ENTR1: variants seen among roughly 807,000 people sequenced by gnomAD.
ENTR1 encodes endosome associated trafficking regulator 1.
A neutral mutation model predicts 47.9 loss-of-function variants in ENTR1; 47 were observed. That is an observed-to-expected ratio of 0.98 (90% CI 0.78 to 1.25). ENTR1 has a LOEUF of 1.25. ENTR1 is among the 50% of genes most tolerant of loss of function. The pLI is 0.00. For missense variants in ENTR1, 668 were observed against 570.5 expected, an observed-to-expected ratio of 1.17 and a Z score of -1.74; for synonymous variants, 290 against 245.8, an observed-to-expected ratio of 1.18 and a Z score of -1.68.
chr9:136,410,288 G>C (rs1424243359), intron 1 of ENTR1, 40 bp downstream of exon 1: 3 of 1,551,168 alleles, frequency 1.9e-6, no homozygotes, highest in African/African-American at 1.4e-5. Flanking sequence ...GGCGGCCGCC[G>C]CCCACCTGGA....
chr9:136,410,609 G>T lies in ENTR1; in HGVS notation c.-212C>A, dbSNP rs1316842474. 14 of 1,302,332 alleles carry T rather than the reference G, an allele frequency of 1.1e-5. No individual in the cohort carries two copies. The highest frequency in any genetic ancestry group is 2.0e-4 in the Middle Eastern group (1 of 4,988). 80.7% of individuals were successfully genotyped at this position (1,302,332 alleles called of 1,614,324 possible). On this transcript the variant is annotated 5_prime_UTR_variant, in exon 1 of 10. Transcript: ENST00000357365. ...CTGAACGCCTTGGGCCGTCGGCGAG[G>T]GGGAGGGGAAGCCGTGGGCGGAAGC...
chr9:136,407,650 A>G, intron 4 of ENTR1, 89 bp from the exon 5 acceptor site: 1 of 1,474,290 alleles, frequency 6.8e-7, no homozygotes, highest in Non-Finnish European at 9.0e-7. Context: ...CGCAACAAGA[A>G]GAAAGGCCCA....
At chr9:136,404,293 A>T (rs1738366921) in intron 8 of ENTR1, 99 bp from the exon 9 acceptor site, 2 of 1,479,236 alleles carry the variant, frequency 1.4e-6, no homozygotes, top group East Asian at 4.6e-5. Context: ...GGGGCCTGGC[A>T]CTCAAGATGC....
intron 5 of ENTR1, among the ~76,000 whole-genome samples, chr9:136,406,504 G>A (rs1834770349): frequency 6.6e-6 from 1 of 151,674 alleles, no homozygotes. Flanking sequence ...TTGAAACAGA[G>A]TTTCGCCCGT....
Position 136,405,127 on chromosome 9 carries a change from C to A in ENTR1, c.969G>T (p.Val323=). 2 of 1,613,908 alleles carry A rather than the reference C, an allele frequency of 1.2e-6. No homozygotes were observed. Among genetic ancestry groups the A allele is most frequent in the Non-Finnish European group, 8.5e-7 (1 of 1,179,882 alleles). The change falls in exon 7 of 10, where the codon GTG becomes GTT. Residue 323 remains valine, a synonymous_variant. Transcript: ENST00000357365. Reference sequence around the variant, plus strand: ...CCAGGTTCTGCTCCACCTGCTGAACCACCGACTCCAGGTCGTGGTAGTCGC... The same window carrying A: ...CCAGGTTCTGCTCCACCTGCTGAACAACCGACTCCAGGTCGTGGTAGTCGC... ...EESDYHDLES[V]VQQVEQNLEL...
rs753556442 is a variant in ENTR1, at chr9:136,408,983, T to C, written c.289+16A>G. ...TTGGATGGAGACAAGAAGAAAAGGT[T>C]GCTGAACTACTCTACCTCCAAAATG... On this transcript the variant is annotated intron_variant, in intron 3 of 9. Transcript: ENST00000357365. The C allele has an allele frequency of 6.2e-7, 1 of 1,611,502 alleles. No homozygotes were observed. The highest frequency in any genetic ancestry group is 1.1e-5 in the South Asian group (1 of 91,052).
In ENTR1 at chr9:136,410,315, C is replaced by T. The variant is rs374269828; in HGVS notation, c.70+13G>A. 146 of 1,548,740 alleles carry T rather than the reference C, an allele frequency of 9.4e-5. No homozygotes were observed. The African/African-American group carries it at 1.7e-3, about 18-fold the overall frequency. On this transcript the variant is annotated intron_variant, in intron 1 of 9. Coordinates refer to ENST00000357365, the MANE Select transcript of ENTR1 (RefSeq NM_001039707.2). ...CCACCTGGACCGCTGGACTCGGCCC[C>T]TGCCCCGCTCACCGTCGGGAATGGC...
chr9:136,408,197 C>G (rs1834874732), intron 3 of ENTR1, among the ~76,000 whole-genome samples: 1 of 152,132 alleles, frequency 6.6e-6, no homozygotes, highest in Non-Finnish European at 1.5e-5. Context: ...CACTAAAGCT[C>G]CCCTGGGGAG....
In ENTR1 at chr9:136,407,222, G is replaced by C; in HGVS notation, c.742C>G (p.Pro248Ala). 6.2e-7 allele frequency: 1 copy of C among 1,613,256 alleles called. No homozygotes were observed. The highest frequency in any genetic ancestry group is 1.3e-5 in the African/African-American group (1 of 75,066). ...CCATGAACCGCAAAGTCTGCGCTAGGACTCCCTGCCGGAGAGGCCGGAGAC... is the reference window on the plus strand; with the variant it reads ...CCATGAACCGCAAAGTCTGCGCTAGCACTCCCTGCCGGAGAGGCCGGAGAC... ...RVSPASPAGS[P>A]SADFAVHGES... The change falls in exon 5 of 10, where the codon CCT (proline) becomes GCT (alanine). Residue 248 changes from proline (P) to alanine (A), a missense_variant. By Grantham distance (27) the Pro-to-Ala change is conservative. Coordinates refer to ENST00000357365, the MANE Select transcript of ENTR1 (RefSeq NM_001039707.2).
At chr9:136,406,236 G>A (rs966526128) in intron 5 of ENTR1, among the ~76,000 whole-genome samples, 2 of 152,092 alleles carry the variant, frequency 1.3e-5, no homozygotes, top group Non-Finnish European at 2.9e-5. Flanking sequence ...TTGGGAGGCC[G>A]AGGTGGGCGG....
chr9:136,410,588 A>C lies in ENTR1; in HGVS notation c.-191T>G. The C allele has an allele frequency of 8.2e-7, 1 of 1,219,946 alleles. No individual in the cohort carries two copies. Among genetic ancestry groups the C allele is most frequent in the Non-Finnish European group, 1.0e-6 (1 of 964,878 alleles). 75.6% of individuals were successfully genotyped at this position (1,219,946 alleles called of 1,614,324 possible). The stretch of plus-strand genomic sequence containing the variant: ...CCGAGCACCGAAAGCGCGTGCCTGA[A>C]CGCCTTGGGCCGTCGGCGAGGGGGA... On this transcript the variant is annotated 5_prime_UTR_variant, in exon 1 of 10. Transcript: ENST00000357365.
chr9:136,410,023 C>CA lies in ENTR1; in HGVS notation c.220+66dup, dbSNP rs766746164. 3.2e-6 allele frequency: 5 copies of CA among 1,575,822 alleles called. No individual in the cohort carries two copies. In the East Asian group the frequency reaches 1.1e-4, roughly 35 times the overall value. On this transcript the variant is annotated intron_variant, in intron 2 of 9. Transcript: ENST00000357365. The stretch of plus-strand genomic sequence containing the variant: ...TGGGTCAATGGACGAGCTCGTGCTG[C>CA]AGCGGAGGTGCCACACGTGGCGCGG...
At chr9:136,407,962 G>A in intron 3 of ENTR1, 24 bp from the exon 4 acceptor site, 2 of 1,452,240 alleles carry the variant, frequency 1.4e-6, no homozygotes, top group Non-Finnish European at 1.9e-6. Flanking sequence ...CATCACAAAT[G>A]CATAAAGTCT....
At chr9:136,407,687 G>T in intron 4 of ENTR1, 126 bp from the exon 5 acceptor site, 1 of 1,417,344 alleles carries the variant, frequency 7.1e-7, no homozygotes, top group Non-Finnish European at 9.5e-7. Flanking sequence ...GAGCCCAGCA[G>T]CTTCTGAGCC....
chr9:136,402,825 C>G lies in ENTR1; in HGVS notation c.1271G>C (p.Arg424Thr), dbSNP rs200674094. Residue 424 changes from arginine (R) to threonine (T), a missense_variant, in exon 10 of 10, where the codon AGA becomes ACA. Physicochemically the swap from Arg to Thr is moderately conservative, Grantham distance 71. Coordinates refer to ENST00000357365, the MANE Select transcript of ENTR1 (RefSeq NM_001039707.2). ...LVAEILKSIDRISEVKDEEED... is the reference protein window; with the variant it reads ...LVAEILKSIDTISEVKDEEED... ...CTCCTCGTCTTTAACTTCAGAAATTCTGTCTATAGATTTAAGGATTTCGGC... is the reference window on the plus strand; with the variant it reads ...CTCCTCGTCTTTAACTTCAGAAATTGTGTCTATAGATTTAAGGATTTCGGC... The G allele has an allele frequency of 2.4e-4, 395 of 1,613,174 alleles. 1 individual carries two copies. The highest frequency in any genetic ancestry group is 3.2e-4 in the Non-Finnish European group (381 of 1,179,852).
rs530558273 is a variant in ENTR1 at position 136,405,874 on chromosome 9, G to A, written c.893+31C>T. On this transcript the variant is annotated intron_variant, in intron 6 of 9. Coordinates refer to ENST00000357365, the MANE Select transcript of ENTR1 (RefSeq NM_001039707.2). ...GATTTCCCTGTGTATTAGATGTTGT[G>A]GATTGCATTCCTAACTAAAAGCTTA... The A allele has an allele frequency of 5.1e-6, 7 of 1,379,708 alleles. No homozygotes were observed. In the Admixed American group the frequency reaches 6.0e-5, roughly 12 times the overall value. 85.5% of individuals were successfully genotyped at this position (1,379,708 alleles called of 1,614,324 possible). A position where few individuals can be genotyped will look rare whatever the true frequency, so the allele number is the denominator to read the frequency against.
intron 9 of ENTR1, among the ~76,000 whole-genome samples, chr9:136,403,660 G>A (rs1834620066): frequency 6.6e-6 from 1 of 152,126 alleles, no homozygotes; most frequent in Admixed American, 6.5e-5. Context: ...ACTCACCACT[G>A]TCACAGTCAT....
rs757037787 is a variant in ENTR1, at chr9:136,402,754, C to A, written c.*34G>T. On this transcript the variant is annotated 3_prime_UTR_variant, in exon 10 of 10. Coordinates refer to ENST00000357365, the MANE Select transcript of ENTR1 (RefSeq NM_001039707.2). ...CGAGCGGTGGTGACCTCAGGGTATA[C>A]ACGGAGCTTCATGCTGAGAACACCC... 1 of 1,452,320 alleles carries A rather than the reference C, an allele frequency of 6.9e-7. No homozygotes were observed. Among genetic ancestry groups the A allele is most frequent in the Non-Finnish European group, 9.7e-7 (1 of 1,035,204 alleles). 90.0% of individuals were successfully genotyped at this position (1,452,320 alleles called of 1,614,324 possible). A position where few individuals can be genotyped will look rare whatever the true frequency, so the allele number is the denominator to read the frequency against.
intron 9 of ENTR1, 59 bp downstream of exon 9, chr9:136,403,996 G>T (rs1393574323): frequency 4.0e-6 from 6 of 1,512,152 alleles, no homozygotes; most frequent in South Asian, 2.6e-5. Flanking sequence ...GATCACTGAC[G>T]ACCACTCCAA....
Sources: gnomAD v4.1 joint callset for allele counts (sites outside exome capture counted in the v4.1 genomes callset) on GRCh38, gnomAD v4.1.1 for gene constraint, MANE v1.5 for transcripts, NCBI Gene and HGNC (gene_info 2026-07-23, HGNC 2026-07-21) for gene names.